The following FGGY variants were observed in gnomAD, a reference collection of about 807,000 sequenced individuals.
The protein encoded by FGGY is FGGY carbohydrate kinase domain-containing protein.
A neutral mutation model predicts 71.3 loss-of-function variants in FGGY; 72 were observed. That is an observed-to-expected ratio of 1.01 (90% CI 0.84 to 1.23). The LOEUF (loss-of-function observed/expected upper bound fraction) is 1.23, where lower values mean the gene tolerates loss of function less well. Among genes scored for constraint, FGGY ranks in the 50% most tolerant of loss-of-function variants. The pLI is 0.00. For synonymous variants in FGGY, 251 were observed against 250.3 expected (o/e 1.00, Z -0.02); for missense variants, 668 against 682.3 (o/e 0.98, Z 0.23).
chr1:59,391,397 G>A (rs1473088331), intron 5 of FGGY, among the ~76,000 whole-genome samples: 1 of 152,178 alleles, frequency 6.6e-6, no homozygotes, highest in Non-Finnish European at 1.5e-5. Flanking sequence ...CTAACATCAT[G>A]AGAAGCATGA....
intron 4 of FGGY, among the ~76,000 whole-genome samples, chr1:59,369,062 C>G (rs1255732316): frequency 1.3e-5 from 2 of 152,146 alleles, no homozygotes; most frequent in Non-Finnish European, 2.9e-5. Context: ...ACAGTGGGCG[C>G]AGGTCAGTGG....
chr1:59,386,765 C>T (rs1048988476), intron 5 of FGGY, among the ~76,000 whole-genome samples: 1 of 152,094 alleles, frequency 6.6e-6, no homozygotes, highest in South Asian at 2.1e-4. Context: ...ACAAGAGACA[C>T]TGTAAGTAAG....
At chr1:59,527,355 T>G (rs1280050525) in intron 7 of FGGY, among the ~76,000 whole-genome samples, 1 of 152,236 alleles carries the variant, frequency 6.6e-6, no homozygotes, top group Non-Finnish European at 1.5e-5. Context: ...GAGTCATAGT[T>G]GCACAGGAAA....
chr1:59,503,613 A>ATATATATATATC (rs1265300529), intron 6 of FGGY, among the ~76,000 whole-genome samples: 4 of 147,000 alleles, frequency 2.7e-5, no homozygotes, highest in African/African-American at 9.9e-5. Context: ...ATATATATAT[A>ATATATATATATC]TATATAAAAT....
chr1:59,692,870 G>A (rs1193681215), intron 14 of FGGY, among the ~76,000 whole-genome samples: 1 of 152,088 alleles, frequency 6.6e-6, no homozygotes, highest in African/African-American at 2.4e-5. Flanking sequence ...ATCATGCTAT[G>A]GTCATATTGG....
chr1:59,355,182 T>C (rs934759714), intron 4 of FGGY, among the ~76,000 whole-genome samples: 3 of 152,362 alleles, frequency 2.0e-5, no homozygotes, highest in African/African-American at 7.2e-5. Context: ...GCTAGGTAGA[T>C]AGTAAATATT....
chr1:59,560,048 A>T (rs1445687191), intron 8 of FGGY, among the ~76,000 whole-genome samples: 1 of 152,146 alleles, frequency 6.6e-6, no homozygotes, highest in African/African-American at 2.4e-5. Flanking sequence ...GGGAAGAGTA[A>T]TTTTACATTG....
intron 14 of FGGY, among the ~76,000 whole-genome samples, chr1:59,744,149 T>A (rs2098173750): frequency 6.6e-6 from 1 of 152,262 alleles, no homozygotes; most frequent in African/African-American, 2.4e-5. Flanking sequence ...TTTAACTTTA[T>A]GAGTAATTAT....
At chr1:59,325,356 C>CCAACAACAACAA (rs563370217) in intron 2 of FGGY, among the ~76,000 whole-genome samples, 2 of 128,808 alleles carry the variant, frequency 1.6e-5, no homozygotes, top group South Asian at 2.6e-4. Flanking sequence ...GACTCCGTGT[C>CCAACAACAACAA]CAACAACAGC....
intron 8 of FGGY, among the ~76,000 whole-genome samples, chr1:59,563,815 A>G (rs2095833195): frequency 6.6e-6 from 1 of 152,190 alleles, no homozygotes; most frequent in Non-Finnish European, 1.5e-5. Context: ...AGTAACCAAA[A>G]CAGTATGGTA....
intron 12 of FGGY, among the ~76,000 whole-genome samples, chr1:59,660,681 G>T (rs1225834627): frequency 1.3e-5 from 2 of 152,152 alleles, no homozygotes; most frequent in African/African-American, 4.8e-5. Context: ...TCATGATAGG[G>T]GTCCTTTAAA....
At chr1:59,542,747 C>T (rs1398671705) in intron 7 of FGGY, among the ~76,000 whole-genome samples, 2 of 152,126 alleles carry the variant, frequency 1.3e-5, no homozygotes, top group African/African-American at 4.8e-5. Context: ...TGAGCCAACA[C>T]ACCTGGCTTT....
chr1:59,538,045 T>G (rs12097082), intron 7 of FGGY, among the ~76,000 whole-genome samples: 4,382 of 152,116 alleles, frequency 0.029, 214 homozygotes, highest in African/African-American at 0.1. Context: ...GAAACTACCA[T>G]CAGACTGAAC....
intron 11 of FGGY, among the ~76,000 whole-genome samples, chr1:59,644,490 A>G (rs1177262429): frequency 6.6e-6 from 1 of 152,166 alleles, no homozygotes; most frequent in Non-Finnish European, 1.5e-5. Flanking sequence ...CAGTTGATAA[A>G]TGAAGCACAG....
chr1:59,709,357 T>C (rs2097777456), intron 14 of FGGY, among the ~76,000 whole-genome samples: 1 of 152,114 alleles, frequency 6.6e-6, no homozygotes, highest in South Asian at 2.1e-4. Context: ...AAGAACAGCA[T>C]GAGGAAACCA....
intron 4 of FGGY, among the ~76,000 whole-genome samples, chr1:59,372,372 C>G (rs931083185): frequency 7.2e-5 from 11 of 152,186 alleles, no homozygotes; most frequent in African/African-American, 2.7e-4. Flanking sequence ...GAAGTTGAAT[C>G]TCTGAATAGA....
At chr1:59,611,206 A>G (rs1224320179) in intron 9 of FGGY, among the ~76,000 whole-genome samples, 1 of 152,216 alleles carries the variant, frequency 6.6e-6, no homozygotes, top group Non-Finnish European at 1.5e-5. Flanking sequence ...GAATGGACAG[A>G]CTGCCTCCTC....
intron 7 of FGGY, among the ~76,000 whole-genome samples, chr1:59,519,432 T>A (rs1017673034): frequency 6.6e-6 from 1 of 152,292 alleles, no homozygotes; most frequent in East Asian, 1.9e-4. Context: ...TATGGAAGGC[T>A]TTGGAAAAAC....
intron 8 of FGGY, among the ~76,000 whole-genome samples, chr1:59,565,242 C>T (rs2095855831): frequency 6.6e-6 from 1 of 152,144 alleles, no homozygotes; most frequent in South Asian, 2.1e-4. Flanking sequence ...AACTGAGGCT[C>T]AGAGAGACAA....
Sources: gnomAD v4.1 joint callset for allele counts (sites outside exome capture counted in the v4.1 genomes callset) on GRCh38, gnomAD v4.1.1 for gene constraint, MANE v1.5 for transcripts, NCBI Gene and HGNC (gene_info 2026-07-23, HGNC 2026-07-21) for gene names.